The following PDE7A variants were observed in gnomAD, a reference collection of about 807,000 sequenced individuals.
The protein encoded by PDE7A is high affinity 3',5'-cyclic-AMP phosphodiesterase 7A.
In PDE7A, 39 loss-of-function variants were observed where a neutral mutation model predicts 64.3. The ratio of observed to expected loss-of-function variants is 0.61; its 90% CI spans 0.47 to 0.79. PDE7A has a LOEUF of 0.79. Among genes scored for constraint, PDE7A ranks in the 30% least tolerant of loss-of-function variants. The pLI is 0.00. For synonymous variants in PDE7A, 203 were observed against 206.8 expected, an observed-to-expected ratio of 0.98 and a Z score of 0.16; for missense variants, 470 against 582.8, an observed-to-expected ratio of 0.81 and a Z score of 1.99.
rs910066535 is a variant in PDE7A, at chr8:65,825,919, T to C, written c.138+15452A>G. On this transcript the variant is annotated intron_variant, in intron 1 of 12. Coordinates refer to ENST00000401827, the MANE Select transcript of PDE7A (RefSeq NM_001242318.3). ...CAAATCAAATTAGTGAGGTGTGTCA[T>C]AAATAAAACGAAGTGTAACAGGTAA... 3.9e-5 allele frequency among the ~76,000 whole-genome samples: 6 copies of C among 151,976 alleles called. No individual in the cohort carries two copies. In the East Asian group the frequency reaches 1.2e-3, roughly 29 times the overall value.
chr8:65,753,203 A>G (rs1808049037), intron 3 of PDE7A, among the ~76,000 whole-genome samples: 1 of 152,144 alleles, frequency 6.6e-6, no homozygotes, highest in South Asian at 2.1e-4. Flanking sequence ...CTGCTGTGCC[A>G]GTTTCCTTTT....
chr8:65,788,457 C>T lies in PDE7A; in HGVS notation c.139-5614G>A, dbSNP rs559043527. On this transcript the variant is annotated intron_variant, in intron 1 of 12. Transcript: ENST00000401827. Reference sequence around the variant, plus strand: ...GAAAACATGATAGACGGTGGTTTTTCGTTTTTAAAAAGTTTATAATTGTTT... The same window carrying T: ...GAAAACATGATAGACGGTGGTTTTTTGTTTTTAAAAAGTTTATAATTGTTT... Among the ~76,000 whole-genome samples the T allele has an allele frequency of 5.3e-5, 8 of 152,048 alleles. No individual in the cohort carries two copies. In the East Asian group the frequency reaches 9.7e-4, roughly 18 times the overall value.
At position 65,714,703 on chromosome 8, in the gene PDE7A, C is replaced by T. The variant is rs1254787084; in HGVS notation, c.*4587G>A. On this transcript the variant is annotated 3_prime_UTR_variant, in exon 13 of 13. Coordinates refer to ENST00000401827, the MANE Select transcript of PDE7A (RefSeq NM_001242318.3). ...GAGGGGATTTTAAACAACATTTATA[C>T]ATTAAAATATTTATACATGCTTGAA... 1 of 152,250 alleles carries T rather than the reference C, an allele frequency of 6.6e-6. No individual in the cohort carries two copies. Among genetic ancestry groups the T allele is most frequent in the African/African-American group, 2.4e-5 (1 of 41,530 alleles). 9.4% of individuals were successfully genotyped at this position (152,250 alleles called of 1,614,324 possible).
At position 65,715,458 on chromosome 8, in the gene PDE7A, AC is replaced by A. The variant is rs1806095570; in HGVS notation, c.*3831del. Among the ~76,000 whole-genome samples the A allele has an allele frequency of 6.6e-6, 1 of 151,084 alleles. No individual in the cohort carries two copies. Reference sequence around the variant, plus strand: ...AGTAGCACAATCTCTGCTCCTTGCAACCTCCGCCACCTGGGTTCAAGCAATT... The same window carrying A: ...AGTAGCACAATCTCTGCTCCTTGCAACTCCGCCACCTGGGTTCAAGCAATT... On this transcript the variant is annotated 3_prime_UTR_variant, in exon 13 of 13. Transcript: ENST00000401827.
chr8:65,761,945 C>A (rs146514725), intron 3 of PDE7A, among the ~76,000 whole-genome samples: 4 of 152,146 alleles, frequency 2.6e-5, no homozygotes, highest in African/African-American at 9.7e-5. Context: ...TTTCCCACAA[C>A]CGATGTCACA....
In PDE7A at chr8:65,731,843, C is replaced by T. The variant is rs181665403; in HGVS notation, c.696+2951G>A. Among the ~76,000 whole-genome samples, 716 of 152,146 alleles carry T rather than the reference C, an allele frequency of 4.7e-3. 5 individuals carry two copies. Among genetic ancestry groups the T allele is most frequent in the African/African-American group, 0.016 (680 of 41,508 alleles). Reference sequence around the variant, plus strand: ...AAATATATATACTTAAGTCTATTTACTATTCCCTCTGTACTTGGACTTTCT... The same window carrying T: ...AAATATATATACTTAAGTCTATTTATTATTCCCTCTGTACTTGGACTTTCT... On this transcript the variant is annotated intron_variant, in intron 7 of 12. Transcript: ENST00000401827.
At chr8:65,825,211 T>G (rs961925743) in intron 1 of PDE7A, among the ~76,000 whole-genome samples, 8 of 152,226 alleles carry the variant, frequency 5.3e-5, no homozygotes, top group Admixed American at 2.0e-4. Context: ...CTTTACATTT[T>G]TTCATATATT....
intron 3 of PDE7A, among the ~76,000 whole-genome samples, chr8:65,768,063 C>T (rs1808882899): frequency 6.6e-6 from 1 of 152,038 alleles, no homozygotes; most frequent in Admixed American, 6.6e-5. Context: ...TAGAGGACAC[C>T]CAGTTGGTGT....
chr8:65,741,028 T>C (rs988229178), intron 5 of PDE7A, among the ~76,000 whole-genome samples: 4 of 152,200 alleles, frequency 2.6e-5, no homozygotes, highest in Non-Finnish European at 5.9e-5. Flanking sequence ...ACACCAAGAA[T>C]AGAAATTAAA....
Position 65,715,038 on chromosome 8 carries a change from A to G in PDE7A, c.*4252T>C, listed in dbSNP as rs906870136. On this transcript the variant is annotated 3_prime_UTR_variant, in exon 13 of 13. Transcript: ENST00000401827. ...CAAGGACCTTTTACTCCTAGAGCAG[A>G]GACTCCCTCAGCCCCTGAAATGTTG... Among the ~76,000 whole-genome samples the G allele has an allele frequency of 1.3e-5, 2 of 152,182 alleles. No individual in the cohort carries two copies. Among genetic ancestry groups the G allele is most frequent in the African/African-American group, 4.8e-5 (2 of 41,436 alleles).
At chr8:65,787,501 T>C (rs572762602) in intron 1 of PDE7A, among the ~76,000 whole-genome samples, 1 of 152,300 alleles carries the variant, frequency 6.6e-6, no homozygotes, top group Admixed American at 6.5e-5. Context: ...AAAACATGCT[T>C]GTACTTGAGT....
chr8:65,751,078 G>A (rs1807930487), intron 3 of PDE7A, among the ~76,000 whole-genome samples: 1 of 152,200 alleles, frequency 6.6e-6, no homozygotes. Context: ...CATGGAGCCT[G>A]TCTAGATGAA....
intron 1 of PDE7A, among the ~76,000 whole-genome samples, chr8:65,836,724 A>G (rs966737673): frequency 9.9e-5 from 15 of 152,218 alleles, no homozygotes; most frequent in African/African-American, 2.9e-4. Context: ...GCTGCTAGCC[A>G]TATGTAGCTA....
intron 1 of PDE7A, among the ~76,000 whole-genome samples, chr8:65,824,600 C>G (rs890791132): frequency 6.6e-6 from 1 of 152,164 alleles, no homozygotes; most frequent in African/African-American, 2.4e-5. Flanking sequence ...CCACAGCCAC[C>G]CAACCTTCAG....
intron 1 of PDE7A, among the ~76,000 whole-genome samples, chr8:65,788,255 T>C (rs751904796): frequency 2.0e-5 from 3 of 152,114 alleles, no homozygotes; most frequent in Non-Finnish European, 4.4e-5. Context: ...TTTAAATATG[T>C]TTTACTTTAG....
chr8:65,736,472 G>T (rs1807130919), intron 6 of PDE7A, among the ~76,000 whole-genome samples: 1 of 152,112 alleles, frequency 6.6e-6, no homozygotes, highest in Non-Finnish European at 1.5e-5. Context: ...GTTTCTCAAG[G>T]CCAGGTGCAC....
intron 6 of PDE7A, among the ~76,000 whole-genome samples, chr8:65,739,158 C>CT (rs1230353729): frequency 6.6e-6 from 1 of 152,204 alleles, no homozygotes; most frequent in African/African-American, 2.4e-5. Flanking sequence ...TAATGTAAAT[C>CT]TATTATGGTG....
chr8:65,749,285 T>C (rs1468777602), intron 3 of PDE7A, among the ~76,000 whole-genome samples: 1 of 152,252 alleles, frequency 6.6e-6, no homozygotes, highest in Non-Finnish European at 1.5e-5. Context: ...ATATAGTAAG[T>C]AATTGTAAAA....
intron 3 of PDE7A, among the ~76,000 whole-genome samples, chr8:65,772,942 A>T (rs1172201288): frequency 1.3e-5 from 2 of 152,178 alleles, no homozygotes; most frequent in Non-Finnish European, 2.9e-5. Context: ...TGGGAGACGG[A>T]GGCTGCAGTG....
Sources: gnomAD v4.1 joint callset for allele counts (sites outside exome capture counted in the v4.1 genomes callset) on GRCh38, gnomAD v4.1.1 for gene constraint, MANE v1.5 for transcripts, NCBI Gene and HGNC (gene_info 2026-07-23, HGNC 2026-07-21) for gene names.